UHRF2: variants seen among roughly 807,000 people sequenced by gnomAD.
The protein encoded by UHRF2 is ubiquitin like with PHD and ring finger domains 2.
A neutral mutation model predicts 96.8 loss-of-function variants in UHRF2; 23 were observed. The ratio of observed to expected loss-of-function variants is 0.24; its 90% CI spans 0.17 to 0.34. The LOEUF (loss-of-function observed/expected upper bound fraction) is 0.34. Among genes scored for constraint, UHRF2 ranks in the 10% least tolerant of loss-of-function variants. The pLI is 1.00. For missense variants in UHRF2, 685 were observed against 981.5 expected, an observed-to-expected ratio of 0.70 and a Z score of 4.04; for synonymous variants, 385 against 332.6, an observed-to-expected ratio of 1.16 and a Z score of -1.72.
At chr9:6,466,542 A>C (rs1446565565) in intron 4 of UHRF2, among the ~76,000 whole-genome samples, 1 of 63,496 alleles carries the variant, frequency 1.6e-5, no homozygotes, top group Admixed American at 2.3e-4. Flanking sequence ...TCTATCTCAA[A>C]AAAAAAAGGA....
chr9:6,451,391 A>G (rs1015954608), intron 3 of UHRF2, among the ~76,000 whole-genome samples: 3 of 152,236 alleles, frequency 2.0e-5, no homozygotes, highest in Non-Finnish European at 4.4e-5. Flanking sequence ...TTAAATCTCC[A>G]AAACAAAATA....
chr9:6,449,865 T>G (rs967612330), intron 3 of UHRF2, among the ~76,000 whole-genome samples: 2 of 152,226 alleles, frequency 1.3e-5, no homozygotes, highest in African/African-American at 4.8e-5. Flanking sequence ...CAGTTGGTTG[T>G]TGGAGGCATT....
chr9:6,456,435 C>G (rs1307021877), intron 3 of UHRF2, among the ~76,000 whole-genome samples: 4 of 152,068 alleles, frequency 2.6e-5, no homozygotes, highest in Non-Finnish European at 2.9e-5. Context: ...GATATTAGCC[C>G]TTTGTCAGAT....
At chr9:6,446,996 C>T (rs1045958468) in intron 3 of UHRF2, among the ~76,000 whole-genome samples, 2 of 152,122 alleles carry the variant, frequency 1.3e-5, no homozygotes, top group African/African-American at 2.4e-5. Context: ...TCACGCCATT[C>T]TCTTGCCTCA....
At chr9:6,421,835 C>G (rs748344564) in intron 2 of UHRF2, among the ~76,000 whole-genome samples, 10 of 151,790 alleles carry the variant, frequency 6.6e-5, no homozygotes, top group Admixed American at 6.6e-4. Flanking sequence ...TTGCTACTTA[C>G]GTATATTTCT....
At position 6,467,644 on chromosome 9, in the gene UHRF2, A is replaced by G. The variant is rs1822958600; in HGVS notation, c.863+6853A>G. On this transcript the variant is annotated intron_variant, in intron 4 of 15. Coordinates refer to ENST00000276893, the MANE Select transcript of UHRF2 (RefSeq NM_152896.3). ...GTATTTTAACATCTCTGAAATAAAA[A>G]TGTATCTTAAATTTGCTGTTGGGCT... is the stretch of plus-strand genomic sequence containing the variant. Among the ~76,000 whole-genome samples the G allele has an allele frequency of 1.3e-5, 2 of 149,986 alleles. 1 individual carries two copies. The highest frequency in any genetic ancestry group is 4.2e-4 in the South Asian group (2 of 4,754).
chr9:6,437,902 G>A (rs773560511), intron 3 of UHRF2, among the ~76,000 whole-genome samples: 3 of 152,102 alleles, frequency 2.0e-5, no homozygotes, highest in South Asian at 2.1e-4. Flanking sequence ...GTGAGCCACC[G>A]CACCCGGCTA....
At chr9:6,479,925 A>G (rs1173470134) in intron 6 of UHRF2, among the ~76,000 whole-genome samples, 1 of 152,088 alleles carries the variant, frequency 6.6e-6, no homozygotes, top group Non-Finnish European at 1.5e-5. Context: ...CTTTGCTTCC[A>G]TGTACTATCC....
rs1823681799 is a variant in UHRF2, at chr9:6,477,908, A to C, written c.1160+100A>C. On this transcript the variant is annotated intron_variant, in intron 6 of 15. Coordinates refer to ENST00000276893, the MANE Select transcript of UHRF2 (RefSeq NM_152896.3). ...AGATTTCTAAAGATACATAATATAA[A>C]AGTGCTTAAAATGTTATGGCCAGTG... 17 of 1,097,372 alleles carry C rather than the reference A, an allele frequency of 1.5e-5. 1 individual carries two copies. The South Asian group carries it at 2.8e-4, about 18-fold the overall frequency. The allele number at this position is 1,097,372 out of a possible 1,614,324, so 68.0% of individuals were successfully genotyped here.
chr9:6,492,375 T>C, intron 9 of UHRF2: 1 of 1,189,082 alleles, frequency 8.4e-7, no homozygotes, highest in Non-Finnish European at 1.1e-6. Context: ...TTGATCAGTT[T>C]AAGAAGTATT....
intron 11 of UHRF2, 74 bp downstream of exon 11, chr9:6,497,434 C>T (rs1825031431): frequency 1.3e-6 from 2 of 1,535,138 alleles, no homozygotes; most frequent in Non-Finnish European, 1.8e-6. Context: ...CAAGGAACTA[C>T]TGTGGGTGGG....
At chr9:6,414,992 C>G (rs1266314203) in intron 1 of UHRF2, among the ~76,000 whole-genome samples, 1 of 152,194 alleles carries the variant, frequency 6.6e-6, no homozygotes, top group Non-Finnish European at 1.5e-5. Flanking sequence ...TGCTGTGCCT[C>G]AAGTGGCTGA....
intron 9 of UHRF2, chr9:6,492,370 C>A: frequency 1.7e-6 from 2 of 1,209,430 alleles, no homozygotes; most frequent in Non-Finnish European, 2.1e-6. Flanking sequence ...TGGTTTTGAT[C>A]AGTTTAAGAA....
chr9:6,453,200 C>T (rs1178591471), intron 3 of UHRF2, among the ~76,000 whole-genome samples: 9 of 152,012 alleles, frequency 5.9e-5, no homozygotes, highest in East Asian at 5.8e-4. Flanking sequence ...GCTGTGGTGC[C>T]CTGTCTCCAT....
intron 4 of UHRF2, 136 bp downstream of exon 4, chr9:6,460,927 A>G: frequency 4.6e-6 from 3 of 650,398 alleles, no homozygotes; most frequent in Non-Finnish European, 4.8e-6. Flanking sequence ...GAAGGAGAAT[A>G]TTTTTATAAA....
chr9:6,445,438 T>G (rs1367114632), intron 3 of UHRF2, among the ~76,000 whole-genome samples: 1 of 152,120 alleles, frequency 6.6e-6, no homozygotes, highest in African/African-American at 2.4e-5. Context: ...ATTTTGTACT[T>G]TTAGTAGAGA....
intron 3 of UHRF2, among the ~76,000 whole-genome samples, chr9:6,456,391 T>A (rs1197344207): frequency 1.3e-5 from 2 of 152,222 alleles, no homozygotes; most frequent in African/African-American, 4.8e-5. Flanking sequence ...TGGTTTGTTT[T>A]TTTCTTGTGA....
Position 6,477,051 on chromosome 9 carries a change from G to A in UHRF2, c.974-571G>A, listed in dbSNP as rs556250200. 3.9e-5 allele frequency among the ~76,000 whole-genome samples: 6 copies of A among 152,192 alleles called. No homozygotes were observed. The South Asian group carries it at 1.2e-3, about 32-fold the overall frequency. ...AGTTTGAGACCAGTCTGGCCAACCT[G>A]GTGAAACCCTGTCTCTACTAAAAAT... On this transcript the variant is annotated intron_variant, in intron 5 of 15. Coordinates refer to ENST00000276893, the MANE Select transcript of UHRF2 (RefSeq NM_152896.3).
chr9:6,479,408 T>C (rs986787257), intron 6 of UHRF2, among the ~76,000 whole-genome samples: 1 of 152,102 alleles, frequency 6.6e-6, no homozygotes, highest in African/African-American at 2.4e-5. Flanking sequence ...GGCCTTTCCT[T>C]CTTAGTCTCT....
Sources: allele counts gnomAD v4.1 joint callset (sites outside exome capture counted in the v4.1 genomes callset), GRCh38; gene constraint gnomAD v4.1.1; transcripts MANE v1.5; gene names NCBI Gene and HGNC (gene_info 2026-07-23, HGNC 2026-07-21).